Variants in CEP55 observed in about 807,000 individuals in gnomAD.
CEP55 encodes centrosomal protein of 55 kDa.
Under a neutral mutation model 63.2 loss-of-function variants are expected in CEP55, and 57 were observed. The ratio of observed to expected loss-of-function variants is 0.90; its 90% confidence interval spans 0.73 to 1.13. The LOEUF (loss-of-function observed/expected upper bound fraction) is 1.13, where lower values mean the gene tolerates loss of function less well. Among genes scored for constraint, CEP55 ranks in the 50% most tolerant of loss-of-function variants. The pLI is 0.00. For missense variants in CEP55, 456 were observed against 518.9 expected (o/e 0.88, Z 1.18); for synonymous variants, 178 against 191.6 (o/e 0.93, Z 0.59).
At chr10:93,522,694 C>T (rs1188567698) in intron 8 of CEP55, among the ~76,000 whole-genome samples, 3 of 152,228 alleles carry the variant, frequency 2.0e-5, no homozygotes, top group African/African-American at 4.8e-5. Flanking sequence ...AGAGAAAGGT[C>T]GGGTTACCCA....
At chr10:93,521,583 A>C (rs1339316741) in intron 8 of CEP55, among the ~76,000 whole-genome samples, 1 of 152,198 alleles carries the variant, frequency 6.6e-6, no homozygotes, top group Non-Finnish European at 1.5e-5. Flanking sequence ...TGTCTGACAG[A>C]TTGGAAGACA....
At chr10:93,501,365 A>C (rs1401517769) in intron 2 of CEP55, among the ~76,000 whole-genome samples, 2 of 152,238 alleles carry the variant, frequency 1.3e-5, no homozygotes, top group African/African-American at 4.8e-5. Flanking sequence ...ATTATTTTGC[A>C]AAAGTGCTTT....
Position 93,522,947 on chromosome 10 carries a change from G to A in CEP55, c.1191+3140G>A, listed in dbSNP as rs112414479. On this transcript the variant is annotated intron_variant, in intron 8 of 8. Transcript: ENST00000371485. ...AGAGCTCCTAAAGGAAGCACTAAACGTGGAAAGGAACAACCAGTACCAGCC... is the reference window on the plus strand; with the variant it reads ...AGAGCTCCTAAAGGAAGCACTAAACATGGAAAGGAACAACCAGTACCAGCC... Among the ~76,000 whole-genome samples, 120 of 152,170 alleles carry A rather than the reference G, an allele frequency of 7.9e-4. 2 individuals carry two copies. The highest frequency in any genetic ancestry group is 4.1e-4 in the African/African-American group (17 of 41,534).
At chr10:93,509,529 A>T (rs2057722304) in intron 4 of CEP55, among the ~76,000 whole-genome samples, 2 of 151,592 alleles carry the variant, frequency 1.3e-5, no homozygotes, top group African/African-American at 4.8e-5. Flanking sequence ...TCTGTCACTC[A>T]GGTTGGAGTG....
At chr10:93,510,417 C>A (rs1474195862) in intron 4 of CEP55, 1 of 152,132 alleles carries the variant, frequency 6.6e-6, no homozygotes, top group Non-Finnish European at 1.5e-5. Context: ...ACGCCCATAT[C>A]CCCTTTACTA....
At chr10:93,497,423 G>A (rs374757072) in intron 1 of CEP55, among the ~76,000 whole-genome samples, 1 of 152,022 alleles carries the variant, frequency 6.6e-6, no homozygotes, top group East Asian at 1.9e-4. Flanking sequence ...GCGCCACCAC[G>A]CCCGGTTAAT....
At chr10:93,519,569 C>A (rs377066556) in intron 7 of CEP55, 113 bp from the exon 8 acceptor site, 2 of 1,211,276 alleles carry the variant, frequency 1.7e-6, no homozygotes, top group African/African-American at 1.5e-5. Flanking sequence ...ATTCTTGCTA[C>A]GATGGTACAA....
Position 93,528,712 on chromosome 10 carries a change from G to C in CEP55, c.*559G>C, listed in dbSNP as rs1436313509. Reference sequence around the variant, plus strand: ...CTGCTTACCATTGAAACTTAACCCAGCTGTGTTCCCCAACTCTGTTCTGCG... The same window carrying C: ...CTGCTTACCATTGAAACTTAACCCACCTGTGTTCCCCAACTCTGTTCTGCG... On this transcript the variant is annotated 3_prime_UTR_variant, in exon 9 of 9. Coordinates refer to ENST00000371485, the MANE Select transcript of CEP55 (RefSeq NM_018131.5). 1 of 153,212 alleles carries C rather than the reference G, an allele frequency of 6.5e-6. No homozygotes were observed. Among genetic ancestry groups the C allele is most frequent in the East Asian group, 1.9e-4 (1 of 5,224 alleles). 9.5% of individuals were successfully genotyped at this position (153,212 alleles called of 1,614,324 possible).
chr10:93,503,498 G>T, intron 3 of CEP55, 110 bp downstream of exon 3: 1 of 1,059,432 alleles, frequency 9.4e-7, no homozygotes. Flanking sequence ...TGAGACAAAT[G>T]ATTAGTATAG....
At position 93,503,250 on chromosome 10, in the gene CEP55, A is replaced by G; in HGVS notation, c.321A>G (p.Thr107=). ...TTTLLEQLEE[T]TREGERREQV... Reference sequence around the variant, plus strand: ...CATTGCTTGAACAGCTGGAAGAGACAACGAGAGAAGGAGAAAGGAGGGAGC... The same window carrying G: ...CATTGCTTGAACAGCTGGAAGAGACGACGAGAGAAGGAGAAAGGAGGGAGC... The change falls in exon 3 of 9, where the codon ACA becomes ACG. Residue 107 remains threonine (T), a synonymous_variant. Transcript: ENST00000371485. 6 of 1,614,088 alleles carry G rather than the reference A, an allele frequency of 3.7e-6. No individual in the cohort carries two copies. The highest frequency in any genetic ancestry group is 5.1e-6 in the Non-Finnish European group (6 of 1,179,978).
chr10:93,519,595 T>A (rs912207665), intron 7 of CEP55, 87 bp from the exon 8 acceptor site: 3 of 1,399,336 alleles, frequency 2.1e-6, no homozygotes, highest in Non-Finnish European at 2.9e-6. Context: ...ATTTTCTTCA[T>A]GTGCTAATAA....
chr10:93,513,907 G>A (rs1202538222), intron 4 of CEP55, among the ~76,000 whole-genome samples: 1 of 151,426 alleles, frequency 6.6e-6, no homozygotes, highest in Non-Finnish European at 1.5e-5. Context: ...ACTCCAGTAT[G>A]GCCTCATTTT....
intron 2 of CEP55, among the ~76,000 whole-genome samples, chr10:93,500,514 G>A (rs558243008): frequency 2.0e-5 from 3 of 152,302 alleles, no homozygotes; most frequent in East Asian, 1.9e-4. Context: ...AAGACATTGC[G>A]ATTAATAGTT....
chr10:93,497,169 A>G (rs569038726), intron 1 of CEP55, among the ~76,000 whole-genome samples: 45 of 152,250 alleles, frequency 3.0e-4, no homozygotes, highest in African/African-American at 1.1e-3. Context: ...GCGGCTTGTA[A>G]TTGAGGCCTT....
At chr10:93,504,082 A>T (rs972349683) in intron 3 of CEP55, among the ~76,000 whole-genome samples, 4 of 152,168 alleles carry the variant, frequency 2.6e-5, no homozygotes, top group Admixed American at 6.5e-5. Flanking sequence ...TGCCTCGCAT[A>T]GTGCCTAGTA....
intron 3 of CEP55, among the ~76,000 whole-genome samples, chr10:93,503,628 G>A (rs988430335): frequency 6.6e-6 from 1 of 152,064 alleles, no homozygotes; most frequent in Admixed American, 6.5e-5. Flanking sequence ...ATATTCAGAA[G>A]ACAGCATCTA....
chr10:93,509,468 CATTATTATT>C (rs10606106), intron 4 of CEP55, among the ~76,000 whole-genome samples: 35 of 146,970 alleles, frequency 2.4e-4, no homozygotes, highest in Non-Finnish European at 2.7e-4. Flanking sequence ...GAACCATTAA[CATTATTATT>C]ATTATTATTA....
chr10:93,508,127 T>C (rs1045759788), intron 4 of CEP55, among the ~76,000 whole-genome samples: 8 of 152,236 alleles, frequency 5.3e-5, no homozygotes, highest in African/African-American at 1.9e-4. Flanking sequence ...TATGAGGTTA[T>C]TTTAGTTATA....
At chr10:93,527,115 A>G (rs1240620525) in intron 8 of CEP55, among the ~76,000 whole-genome samples, 1 of 152,040 alleles carries the variant, frequency 6.6e-6, no homozygotes, top group Non-Finnish European at 1.5e-5. Flanking sequence ...ATTTTCCTGT[A>G]CTTTGTTCCT....
Sources: gnomAD v4.1 joint callset for allele counts (sites outside exome capture counted in the v4.1 genomes callset) on GRCh38, gnomAD v4.1.1 for gene constraint, MANE v1.5 for transcripts, NCBI Gene and HGNC (gene_info 2026-07-23, HGNC 2026-07-21) for gene names.